NTM: variants seen among roughly 807,000 people sequenced by gnomAD.
NTM encodes IgLON family member 2.
A neutral mutation model predicts 42.1 loss-of-function variants in NTM; 13 were observed. That is an observed-to-expected ratio of 0.31 (90% CI 0.20 to 0.49). The LOEUF (loss-of-function observed/expected upper bound fraction) is 0.49, where lower values mean the gene tolerates loss of function less well. Ranked by LOEUF, NTM falls within the 20% of genes least tolerant of loss-of-function variation. The probability of loss-of-function intolerance (pLI) is 0.99; values close to 1 mark genes in which losing one functional copy is unlikely to be tolerated. For missense variants in NTM, 373 were observed against 452.8 expected, an observed-to-expected ratio of 0.82 and a Z score of 1.60; for synonymous variants, 187 against 179.2, an observed-to-expected ratio of 1.04 and a Z score of -0.35.
chr11:131,446,727 A>G (rs955406681), intron 1 of NTM, among the ~76,000 whole-genome samples: 2 of 152,194 alleles, frequency 1.3e-5, no homozygotes, highest in South Asian at 2.1e-4. Flanking sequence ...CTAAGTACAC[A>G]TATGTATGGC....
intron 1 of NTM, among the ~76,000 whole-genome samples, chr11:131,546,386 T>G (rs2053949493): frequency 6.6e-6 from 1 of 152,212 alleles, no homozygotes; most frequent in Non-Finnish European, 1.5e-5. Context: ...ACTCTATCCC[T>G]GGCCACTGTC....
chr11:131,432,592 C>G (rs79430111), intron 1 of NTM, among the ~76,000 whole-genome samples: 2 of 152,036 alleles, frequency 1.3e-5, no homozygotes, highest in Non-Finnish European at 2.9e-5. Flanking sequence ...GACCTCAAGT[C>G]TGAAACTTAA....
At chr11:132,305,351 C>T (rs2095039272) in intron 4 of NTM, among the ~76,000 whole-genome samples, 1 of 152,224 alleles carries the variant, frequency 6.6e-6, no homozygotes, top group African/African-American at 2.4e-5. Context: ...GACCTGAGGT[C>T]CTATCAGTCC....
At chr11:131,571,437 C>A (rs773484107) in intron 1 of NTM, among the ~76,000 whole-genome samples, 2 of 152,216 alleles carry the variant, frequency 1.3e-5, no homozygotes, top group Non-Finnish European at 2.9e-5. Context: ...GAAGTTTAAG[C>A]ATCTTGCCCA....
rs1254697773 is a variant in NTM at position 131,623,606 on chromosome 11, A to G, written c.82+252718A>G. On this transcript the variant is annotated intron_variant, in intron 1 of 8. Transcript: ENST00000683400. ...GACAGCAGTAACTAAATAAACAACTAATCAGCGATGGGTTAGGCCTCTCTA... is the reference window on the plus strand; with the variant it reads ...GACAGCAGTAACTAAATAAACAACTGATCAGCGATGGGTTAGGCCTCTCTA... Among the ~76,000 whole-genome samples, 5 of 152,316 alleles carry G rather than the reference A, an allele frequency of 3.3e-5. No individual in the cohort carries two copies. In the South Asian group the frequency reaches 1.0e-3, roughly 32 times the overall value.
chr11:132,221,909 T>C (rs1223310337), intron 4 of NTM, among the ~76,000 whole-genome samples: 1 of 152,190 alleles, frequency 6.6e-6, no homozygotes, highest in African/African-American at 2.4e-5. Context: ...TAATGCATAT[T>C]GATTTCCTGC....
intron 1 of NTM, among the ~76,000 whole-genome samples, chr11:131,547,711 C>T (rs367729555): frequency 2.5e-4 from 38 of 152,270 alleles, no homozygotes; most frequent in African/African-American, 8.4e-4. Context: ...GAGTCACTTA[C>T]GTCAAGAGTG....
chr11:131,682,660 C>T (rs1280833452), intron 1 of NTM, among the ~76,000 whole-genome samples: 1 of 152,212 alleles, frequency 6.6e-6, no homozygotes, highest in Non-Finnish European at 1.5e-5. Context: ...AGAGCGGGTC[C>T]TTCCTTGTTA....
At chr11:132,131,812 A>G (rs1487992737) in intron 2 of NTM, among the ~76,000 whole-genome samples, 1 of 152,204 alleles carries the variant, frequency 6.6e-6, no homozygotes, top group African/African-American at 2.4e-5. Flanking sequence ...GTGTGGGACC[A>G]AAAGAGCAGG....
At chr11:132,107,311 G>A (rs1445136892) in intron 2 of NTM, among the ~76,000 whole-genome samples, 2 of 141,506 alleles carry the variant, frequency 1.4e-5, no homozygotes, top group Non-Finnish European at 3.1e-5. Flanking sequence ...GGCTAATGTA[G>A]AATGGTAGTT....
At chr11:132,175,338 C>T (rs924707568) in intron 3 of NTM, among the ~76,000 whole-genome samples, 6 of 152,000 alleles carry the variant, frequency 3.9e-5, no homozygotes, top group Non-Finnish European at 5.9e-5. Context: ...CATGTATGTC[C>T]ACACCCTGGC....
intron 2 of NTM, among the ~76,000 whole-genome samples, chr11:132,018,145 C>G (rs1323166075): frequency 6.6e-6 from 1 of 151,632 alleles, no homozygotes; most frequent in South Asian, 2.1e-4. Context: ...CTTTTCCTCC[C>G]TCTCTCGTTT....
At chr11:132,130,225 G>C (rs192387460) in intron 2 of NTM, among the ~76,000 whole-genome samples, 1 of 152,132 alleles carries the variant, frequency 6.6e-6, no homozygotes, top group Admixed American at 6.5e-5. Flanking sequence ...GATGAGTAGC[G>C]GGATGAGGGA....
rs893355381 is a variant in NTM, at chr11:131,654,142, C to T, written c.83-257422C>T. ...TCCTCAGGAGGAGGTTTGGTGGGAT[C>T]GTGGGGTTCATTTTTAAAGGCATAA... On this transcript the variant is annotated intron_variant, in intron 1 of 8. Transcript: ENST00000683400. Among the ~76,000 whole-genome samples, 19 of 152,222 alleles carry T rather than the reference C, an allele frequency of 1.2e-4. 1 individual carries two copies. Among genetic ancestry groups the T allele is most frequent in the Admixed American group, 9.2e-4 (14 of 15,288 alleles).
intron 1 of NTM, among the ~76,000 whole-genome samples, chr11:131,462,132 G>A (rs886129068): frequency 6.6e-6 from 1 of 152,176 alleles, no homozygotes; most frequent in African/African-American, 2.4e-5. Flanking sequence ...CATGTTTTGT[G>A]GCTGAGCCTT....
intron 1 of NTM, among the ~76,000 whole-genome samples, chr11:131,755,598 C>A (rs2083227835): frequency 6.6e-6 from 1 of 152,144 alleles, no homozygotes; most frequent in Admixed American, 6.5e-5. Flanking sequence ...TTTAACTGGG[C>A]ATCCTGTATT....
At chr11:132,226,408 G>C (rs1226475016) in intron 4 of NTM, among the ~76,000 whole-genome samples, 1 of 152,162 alleles carries the variant, frequency 6.6e-6, no homozygotes, top group Non-Finnish European at 1.5e-5. Flanking sequence ...CATTCTGACT[G>C]GTGTGAGGTG....
At chr11:131,476,945 C>A (rs1227173273) in intron 1 of NTM, among the ~76,000 whole-genome samples, 1 of 152,104 alleles carries the variant, frequency 6.6e-6, no homozygotes, top group Admixed American at 6.5e-5. Flanking sequence ...TTGGGCTATT[C>A]TTGTGGATGA....
chr11:132,124,501 T>G (rs895943125), intron 2 of NTM, among the ~76,000 whole-genome samples: 17 of 152,268 alleles, frequency 1.1e-4, no homozygotes, highest in African/African-American at 3.9e-4. Flanking sequence ...GTTGCCCATC[T>G]GCCTCCCCAT....
Sources: gnomAD v4.1 joint callset for allele counts (sites outside exome capture counted in the v4.1 genomes callset) on GRCh38, gnomAD v4.1.1 for gene constraint, MANE v1.5 for transcripts, NCBI Gene and HGNC (gene_info 2026-07-23, HGNC 2026-07-21) for gene names.